The following NAALADL2 variants were observed in gnomAD, a reference collection of about 807,000 sequenced individuals.
NAALADL2 encodes inactive N-acetylated-alpha-linked acidic dipeptidase-like protein 2.
In NAALADL2, 76 loss-of-function variants were observed where a neutral mutation model predicts 87.2. That is an observed-to-expected ratio of 0.87 (90% confidence interval 0.72 to 1.05). The LOEUF (loss-of-function observed/expected upper bound fraction) is 1.05, where lower values mean the gene tolerates loss of function less well. Ranked by LOEUF, NAALADL2 falls within the 50% of genes least tolerant of loss-of-function variation. NAALADL2 has a pLI of 0.00. For missense variants in NAALADL2, 1,089 were observed against 945.8 expected (o/e 1.15, Z -1.99); for synonymous variants, 354 against 331.0 (o/e 1.07, Z -0.75).
Position 175,583,467 on chromosome 3 carries a change from C to T in NAALADL2, c.1800+7280C>T, listed in dbSNP as rs530149852. Reference sequence around the variant, plus strand: ...AAAGCTGCTAAGAAACCTATATTTACGACAATCTGAAAGGATGAGCTGCAA... The same window carrying T: ...AAAGCTGCTAAGAAACCTATATTTATGACAATCTGAAAGGATGAGCTGCAA... On this transcript the variant is annotated intron_variant, in intron 10 of 13. Transcript: ENST00000454872. 1.4e-4 allele frequency among the ~76,000 whole-genome samples: 20 copies of T among 138,258 alleles called. 1 individual carries two copies. The South Asian group carries it at 3.0e-3, about 21-fold the overall frequency. 90.7% of individuals were successfully genotyped at this position (138,258 alleles called of 152,430 possible). A position where few individuals can be genotyped will look rare whatever the true frequency, so the allele number is the denominator to read the frequency against.
intron 11 of NAALADL2, among the ~76,000 whole-genome samples, chr3:175,671,570 A>G (rs779967603): frequency 4.7e-4 from 71 of 152,072 alleles, no homozygotes; most frequent in Admixed American, 4.0e-3. Context: ...ACTAAAAATC[A>G]TAGGTGAGCC....
At chr3:175,446,282 C>G (rs1339228992) in intron 5 of NAALADL2, among the ~76,000 whole-genome samples, 2 of 151,864 alleles carry the variant, frequency 1.3e-5, no homozygotes, top group African/African-American at 4.8e-5. Flanking sequence ...ACTCTGTCAC[C>G]CAGGCTGGAG....
Position 174,839,134 on chromosome 3 carries a change from AT to A in NAALADL2, c.-9+101389del, listed in dbSNP as rs775597242. Among the ~76,000 whole-genome samples the A allele has an allele frequency of 5.9e-5, 9 of 152,346 alleles. No homozygotes were observed. The South Asian group carries it at 8.3e-4, about 14-fold the overall frequency. The stretch of plus-strand genomic sequence containing the variant: ...GTCACCAAAACAGAATGGTACTGTT[AT>A]AAAAATAGGCATATACAACAAAGGG... On this transcript the variant is annotated intron_variant, in intron 3 of 3. Transcript: ENST00000434257.
intron 1 of NAALADL2, among the ~76,000 whole-genome samples, chr3:174,508,166 T>C (rs1719347496): frequency 7.2e-6 from 1 of 137,960 alleles, no homozygotes; most frequent in Non-Finnish European, 1.5e-5. Context: ...CAGGCTGGAC[T>C]GCAGTGGCAC....
At chr3:174,522,261 T>C (rs2108415523) in intron 1 of NAALADL2, among the ~76,000 whole-genome samples, 1 of 152,306 alleles carries the variant, frequency 6.6e-6, no homozygotes, top group Non-Finnish European at 1.5e-5. Context: ...TCTCTCTTGG[T>C]TTCATACATT....
chr3:175,341,834 A>G (rs1189592184), intron 5 of NAALADL2, among the ~76,000 whole-genome samples: 1 of 152,030 alleles, frequency 6.6e-6, no homozygotes, highest in African/African-American at 2.4e-5. Flanking sequence ...GTCATTTTGA[A>G]TTAATTTTTG....
chr3:174,770,259 T>G (rs1365433944), intron 3 of NAALADL2, among the ~76,000 whole-genome samples: 1 of 152,200 alleles, frequency 6.6e-6, no homozygotes, highest in Non-Finnish European at 1.5e-5. Context: ...TCATGGTGCC[T>G]GTCAATTTAG....
At chr3:174,557,032 C>T (rs1303411474) in intron 2 of NAALADL2, among the ~76,000 whole-genome samples, 1 of 152,138 alleles carries the variant, frequency 6.6e-6, no homozygotes, top group Admixed American at 6.5e-5. Context: ...AGGCTTGAGC[C>T]ACCGTGCCCA....
intron 9 of NAALADL2, among the ~76,000 whole-genome samples, chr3:175,543,910 G>A (rs1222160594): frequency 6.6e-6 from 1 of 152,178 alleles, no homozygotes; most frequent in Non-Finnish European, 1.5e-5. Flanking sequence ...AATACAGAAA[G>A]GCATCAAAAG....
chr3:174,626,434 C>T (rs1459875736), intron 2 of NAALADL2, among the ~76,000 whole-genome samples: 3 of 151,842 alleles, frequency 2.0e-5, no homozygotes, highest in African/African-American at 7.3e-5. Context: ...GATGACTTAC[C>T]TATTTATGCC....
At chr3:174,703,275 G>C (rs1729728371) in intron 2 of NAALADL2, among the ~76,000 whole-genome samples, 1 of 151,268 alleles carries the variant, frequency 6.6e-6, no homozygotes, top group Non-Finnish European at 1.5e-5. Flanking sequence ...GAGTAGCTAG[G>C]ATGACAGGCA....
chr3:174,548,488 G>T, intron 1 of NAALADL2, among the ~76,000 whole-genome samples: 1 of 152,014 alleles, frequency 6.6e-6, no homozygotes, highest in East Asian at 1.9e-4. Flanking sequence ...ACAATTTCTA[G>T]ATTTTCTAAA....
chr3:174,719,066 A>G (rs1208907043), intron 2 of NAALADL2, among the ~76,000 whole-genome samples: 3 of 152,168 alleles, frequency 2.0e-5, no homozygotes, highest in African/African-American at 7.2e-5. Context: ...CTGCACATGA[A>G]GACGACTTCT....
chr3:175,485,428 C>G (rs954463540), intron 9 of NAALADL2, among the ~76,000 whole-genome samples: 2 of 152,084 alleles, frequency 1.3e-5, no homozygotes, highest in African/African-American at 4.8e-5. Context: ...ATAGGCTGTC[C>G]GTAAGCTGAA....
At chr3:174,476,279 G>A (rs1408661479) in intron 1 of NAALADL2, among the ~76,000 whole-genome samples, 6 of 149,582 alleles carry the variant, frequency 4.0e-5, no homozygotes, top group Non-Finnish European at 8.9e-5. Flanking sequence ...TCATTTTGAC[G>A]GACAGAATTG....
At chr3:174,885,003 G>A (rs1729901424) in intron 1 of NAALADL2, among the ~76,000 whole-genome samples, 1 of 152,106 alleles carries the variant, frequency 6.6e-6, no homozygotes, top group Non-Finnish European at 1.5e-5. Flanking sequence ...AGTCAAAGGT[G>A]GAAAGGCTGA....
intron 5 of NAALADL2, among the ~76,000 whole-genome samples, chr3:175,392,461 T>C (rs531983044): frequency 2.0e-5 from 3 of 152,304 alleles, no homozygotes; most frequent in African/African-American, 4.8e-5. Flanking sequence ...AAATCATAGC[T>C]CTTCCTCCCT....
chr3:174,849,585 A>C (rs2109466391), intron 3 of NAALADL2, among the ~76,000 whole-genome samples: 1 of 152,068 alleles, frequency 6.6e-6, no homozygotes, highest in African/African-American at 2.4e-5. Flanking sequence ...AAATACAAAA[A>C]TTAGCTGGAC....
chr3:174,916,490 A>C (rs1734412251), intron 1 of NAALADL2, among the ~76,000 whole-genome samples: 1 of 152,154 alleles, frequency 6.6e-6, no homozygotes, highest in African/African-American at 2.4e-5. Flanking sequence ...CAATGAGTGG[A>C]TATGGAAAAT....
Sources: gnomAD v4.1 joint callset for allele counts (sites outside exome capture counted in the v4.1 genomes callset) on GRCh38, gnomAD v4.1.1 for gene constraint, MANE v1.5 for transcripts, NCBI Gene and HGNC (gene_info 2026-07-23, HGNC 2026-07-21) for gene names.